The following DEPDC5 variants were observed in gnomAD, a reference collection of about 807,000 sequenced individuals.
DEPDC5 encodes the protein GATOR1 complex protein DEPDC5.
DEPDC5 carries 73 observed loss-of-function variants against 217.3 expected under a neutral mutation model. That is an observed-to-expected ratio of 0.34 (90% CI 0.28 to 0.41). DEPDC5 has a LOEUF of 0.41. DEPDC5 is among the 10% of genes least tolerant of loss of function. DEPDC5 has a pLI of 1.00. For missense variants in DEPDC5, 1,675 were observed against 2,070.1 expected (o/e 0.81, Z 3.70); for synonymous variants, 733 against 756.7 (o/e 0.97, Z 0.51).
intron 38 of DEPDC5, among the ~76,000 whole-genome samples, chr22:31,891,970 G>A (rs1347579898): frequency 6.6e-6 from 1 of 152,214 alleles, no homozygotes; most frequent in Non-Finnish European, 1.5e-5. Flanking sequence ...GGATGAGTAA[G>A]CTTGGTACTC....
intron 39 of DEPDC5, among the ~76,000 whole-genome samples, chr22:31,896,186 CATT>C (rs1434945585): frequency 6.6e-6 from 1 of 152,124 alleles, no homozygotes; most frequent in Non-Finnish European, 1.5e-5. Context: ...ATCTCTTTAT[CATT>C]ATTTTATTAA....
chr22:31,782,788 G>T (rs960806853), intron 8 of DEPDC5, among the ~76,000 whole-genome samples: 3 of 152,284 alleles, frequency 2.0e-5, no homozygotes, highest in Admixed American at 2.0e-4. Context: ...GCAGTGTTCT[G>T]CATGTTTTTA....
chr22:31,815,839 T>G, intron 21 of DEPDC5: 1 of 1,156,728 alleles, frequency 8.6e-7, no homozygotes, highest in Non-Finnish European at 1.1e-6. Context: ...CCTGCCTCTA[T>G]TATACTATTT....
At chr22:31,829,451 G>A (rs2090424585) in intron 24 of DEPDC5, among the ~76,000 whole-genome samples, 2 of 152,104 alleles carry the variant, frequency 1.3e-5, no homozygotes, top group Non-Finnish European at 1.5e-5. Context: ...AGAATCGCTT[G>A]AACCCGGGAG....
chr22:31,826,069 C>T (rs1014726701), intron 24 of DEPDC5, among the ~76,000 whole-genome samples: 16 of 151,822 alleles, frequency 1.1e-4, no homozygotes, highest in Admixed American at 2.6e-4. Context: ...TGCAGTGGTG[C>T]GATCTCAGCT....
At chr22:31,821,883 C>T (rs1183431038) in intron 23 of DEPDC5, among the ~76,000 whole-genome samples, 1 of 152,192 alleles carries the variant, frequency 6.6e-6, no homozygotes, top group Non-Finnish European at 1.5e-5. Context: ...ATCCAGAACA[C>T]ACTTTGTAAA....
intron 20 of DEPDC5, 120 bp from the exon 21 acceptor site, chr22:31,814,872 A>G: frequency 9.7e-7 from 1 of 1,025,822 alleles, no homozygotes; most frequent in Non-Finnish European, 1.5e-6. Context: ...CTTGTAGATC[A>G]CACTGGGGAT....
chr22:31,790,508 A>C (rs1257102450), intron 10 of DEPDC5, among the ~76,000 whole-genome samples: 1 of 152,198 alleles, frequency 6.6e-6, no homozygotes, highest in South Asian at 2.1e-4. Flanking sequence ...CGCTGAGTCC[A>C]GAGCAAACCC....
At chr22:31,852,342 T>C (rs937351217) in intron 31 of DEPDC5, among the ~76,000 whole-genome samples, 8 of 145,898 alleles carry the variant, frequency 5.5e-5, no homozygotes, top group Non-Finnish European at 1.2e-4. Context: ...TATTACTATT[T>C]TTTTTTTTTT....
At chr22:31,866,488 C>G (rs1236485404) in intron 33 of DEPDC5, among the ~76,000 whole-genome samples, 1 of 152,124 alleles carries the variant, frequency 6.6e-6, no homozygotes, top group African/African-American at 2.4e-5. Context: ...CGAGTTCAAG[C>G]GATTCTCCTG....
intron 38 of DEPDC5, among the ~76,000 whole-genome samples, chr22:31,885,262 G>C (rs1298930332): frequency 6.6e-6 from 1 of 152,174 alleles, no homozygotes; most frequent in East Asian, 1.9e-4. Flanking sequence ...CTTGTCCCCT[G>C]TCCGCCTCCT....
chr22:31,818,273 A>G (rs567542666), intron 21 of DEPDC5, among the ~76,000 whole-genome samples: 264 of 152,126 alleles, frequency 1.7e-3, no homozygotes, highest in African/African-American at 5.9e-3. Context: ...TTTTTTTCTC[A>G]GTAATTTTTT....
intron 29 of DEPDC5, 38 bp downstream of exon 29, chr22:31,843,850 T>A: frequency 6.4e-7 from 1 of 1,567,300 alleles, no homozygotes; most frequent in African/African-American, 1.3e-5. Flanking sequence ...CTTTGCATCC[T>A]TGGGCAAGGA....
At chr22:31,848,008 T>C (rs2091838605) in intron 31 of DEPDC5, among the ~76,000 whole-genome samples, 1 of 152,208 alleles carries the variant, frequency 6.6e-6, no homozygotes, top group African/African-American at 2.4e-5. Flanking sequence ...ACAAAGGGGC[T>C]ACAGGCCCCA....
In DEPDC5 at chr22:31,906,433, G is replaced by A. The variant is rs2093761069; in HGVS notation, c.4748G>A (p.Arg1583His). ...GACTTCACGGACTTCTGCATCAACC[G>A]TGACAACCGGCTGGTCACGTTCTGG... The part of the protein sequence containing the change: ...LKDFTDFCIN[R>H]DNRLVTFWTS... The change falls in exon 43 of 43, where the codon CGT (arginine) becomes CAT (histidine). Residue 1583 changes from arginine (R) to histidine (H), a missense_variant. Around this residue, in one of 11 missense-constraint regions of DEPDC5, gnomAD observed 49 missense variants for 74.7 expected, o/e 0.66. Transcript: ENST00000651528. This position sits in a 1 kb window ranked among gnomAD's most constrained non-coding sequence, Gnocchi z 5.1. The A allele has an allele frequency of 3.7e-6, 6 of 1,614,050 alleles. No homozygotes were observed. The highest frequency in any genetic ancestry group is 5.1e-6 in the Non-Finnish European group (6 of 1,180,040).
At chr22:31,776,877 G>A (rs543364871) in intron 7 of DEPDC5, among the ~76,000 whole-genome samples, 17 of 151,472 alleles carry the variant, frequency 1.1e-4, no homozygotes, top group Middle Eastern at 3.5e-3. Context: ...ACCCATTCTC[G>A]TACTATCTAC....
chr22:31,798,402 C>T (rs1349025520), intron 13 of DEPDC5, among the ~76,000 whole-genome samples, 180 bp from the exon 14 acceptor site: 2 of 152,084 alleles, frequency 1.3e-5, no homozygotes, highest in African/African-American at 4.8e-5. Context: ...CCTGTAGTCC[C>T]AGCTACTCGG....
chr22:31,867,222 T>G (rs924061785), intron 33 of DEPDC5, among the ~76,000 whole-genome samples: 1 of 152,180 alleles, frequency 6.6e-6, no homozygotes, highest in African/African-American at 2.4e-5. Flanking sequence ...AGTTATTTCA[T>G]GTGGATCATG....
chr22:31,794,422 T>C (rs924273173), intron 12 of DEPDC5, among the ~76,000 whole-genome samples: 7 of 152,174 alleles, frequency 4.6e-5, no homozygotes, highest in Non-Finnish European at 1.0e-4. Flanking sequence ...ATATAAAGCA[T>C]GAATATGAAT....
Sources: allele counts gnomAD v4.1 joint callset (sites outside exome capture counted in the v4.1 genomes callset), GRCh38; gene constraint gnomAD v4.1.1; regional missense constraint gnomAD v4.1.1; non-coding constraint Gnocchi (gnomAD v3.1); transcripts MANE v1.5; gene names NCBI Gene and HGNC (gene_info 2026-07-23, HGNC 2026-07-21).